PCDH9: variants seen among roughly 807,000 people sequenced by gnomAD.
PCDH9 encodes protocadherin 9, also known as protocadherin-9.
In PCDH9, 24 loss-of-function variants were observed where a neutral mutation model predicts 70.6. The observed-to-expected ratio is 0.34, with a 90% confidence interval of 0.25 to 0.48. The LOEUF is 0.48. PCDH9 is among the 20% of genes least tolerant of loss of function. PCDH9 has a pLI of 0.99. For synonymous variants in PCDH9, 562 were observed against 558.5 expected (o/e 1.01, Z -0.09); for missense variants, 1,281 against 1,503.6 (o/e 0.85, Z 2.45).
chr13:67,021,352 T>G (rs1315390809), intron 2 of PCDH9, among the ~76,000 whole-genome samples: 1 of 152,174 alleles, frequency 6.6e-6, no homozygotes, highest in Non-Finnish European at 1.5e-5. Flanking sequence ...ACTTAATAAA[T>G]GAACGTCACA....
chr13:66,393,250 A>AT (rs1474349702), intron 4 of PCDH9, among the ~76,000 whole-genome samples: 1 of 152,226 alleles, frequency 6.6e-6, no homozygotes, highest in Non-Finnish European at 1.5e-5. Context: ...GTGGTATTTC[A>AT]TGTCTACAAG....
At chr13:66,780,861 A>G (rs764492872) in intron 3 of PCDH9, among the ~76,000 whole-genome samples, 1 of 152,150 alleles carries the variant, frequency 6.6e-6, no homozygotes, top group African/African-American at 2.4e-5. Flanking sequence ...ATATTTTTTG[A>G]CTGAGCGAAT....
At position 67,225,947 on chromosome 13, in the gene PCDH9, C is replaced by G; in HGVS notation, c.2494G>C (p.Val832Leu). 5.0e-6 allele frequency: 8 copies of G among 1,614,054 alleles called. No homozygotes were observed. The highest frequency in any genetic ancestry group is 5.1e-6 in the Non-Finnish European group (6 of 1,180,024). The change falls in exon 2 of 5, where the codon GTC becomes CTC. Residue 832 changes from valine to leucine, a missense_variant. This residue lies in a region of PCDH9 where 207 missense variants were observed against 191.8 expected (regional missense o/e 1.08). Coordinates refer to ENST00000377865, the MANE Select transcript of PCDH9 (RefSeq NM_203487.3). ...GAMVVIVVIF[V>L]TVLVRCRHAS... ...TGGCGACAGCGCACCAGAACGGTGACGAAGATCACAACAATGACCACCATG... is the reference window on the plus strand; with the variant it reads ...TGGCGACAGCGCACCAGAACGGTGAGGAAGATCACAACAATGACCACCATG...
chr13:67,012,188 A>C (rs1184119249), intron 2 of PCDH9, among the ~76,000 whole-genome samples: 1 of 151,894 alleles, frequency 6.6e-6, no homozygotes. Flanking sequence ...TCGATTTTAA[A>C]AGATTTTTAA....
intron 1 of PCDH9, among the ~76,000 whole-genome samples, chr13:67,228,859 T>A (rs1444570639): frequency 6.6e-6 from 1 of 152,210 alleles, no homozygotes; most frequent in African/African-American, 2.4e-5. Context: ...ACATGCATTC[T>A]TGTTCTCCTC....
intron 2 of PCDH9, among the ~76,000 whole-genome samples, chr13:66,992,716 C>T (rs946234147): frequency 6.6e-6 from 1 of 152,058 alleles, no homozygotes; most frequent in South Asian, 2.1e-4. Context: ...CAGCAACAAA[C>T]TGAACTGATA....
chr13:66,392,536 A>T (rs1228163904), intron 4 of PCDH9, among the ~76,000 whole-genome samples: 1 of 152,176 alleles, frequency 6.6e-6, no homozygotes, highest in Non-Finnish European at 1.5e-5. Context: ...ATTTGTTTGC[A>T]GTGCAATTCA....
At chr13:66,469,767 G>T (rs555022591) in intron 4 of PCDH9, among the ~76,000 whole-genome samples, 1 of 152,234 alleles carries the variant, frequency 6.6e-6, no homozygotes, top group South Asian at 2.1e-4. Context: ...GCATTCTGCA[G>T]GTTTCTCTTC....
At chr13:66,814,955 G>C (rs1040620916) in intron 3 of PCDH9, among the ~76,000 whole-genome samples, 1 of 151,862 alleles carries the variant, frequency 6.6e-6, no homozygotes, top group Non-Finnish European at 1.5e-5. Context: ...AAGAAACTAC[G>C]AACAGAGTAG....
At chr13:67,085,738 T>C (rs915077199) in intron 2 of PCDH9, among the ~76,000 whole-genome samples, 1 of 152,158 alleles carries the variant, frequency 6.6e-6, no homozygotes, top group African/African-American at 2.4e-5. Context: ...AACAATTTCA[T>C]CCCTTGACTG....
At chr13:66,943,518 A>C (rs1463145526) in intron 2 of PCDH9, among the ~76,000 whole-genome samples, 2 of 152,034 alleles carry the variant, frequency 1.3e-5, no homozygotes, top group Non-Finnish European at 2.9e-5. Context: ...TGGTTTACTG[A>C]ACTTAGAAAA....
intron 4 of PCDH9, among the ~76,000 whole-genome samples, chr13:66,487,912 T>C (rs1397724062): frequency 2.6e-5 from 4 of 152,208 alleles, no homozygotes; most frequent in African/African-American, 9.6e-5. Context: ...AACCAGAAGA[T>C]ATCTCACTCT....
At chr13:66,966,361 G>C (rs1212744900) in intron 2 of PCDH9, among the ~76,000 whole-genome samples, 1 of 152,108 alleles carries the variant, frequency 6.6e-6, no homozygotes, top group Admixed American at 6.6e-5. Flanking sequence ...CGATGCAGTA[G>C]AAACTGTGGG....
rs773530084 is a variant in PCDH9, at chr13:66,903,543, C to A, written c.3099G>T (p.Thr1033=). Residue 1033 remains threonine, a synonymous_variant, in exon 3 of 5, where the codon ACG becomes ACT. Transcript: ENST00000377865. ...CTTCATTCTCCTGAATGTGGAAACCCGTGGAGCTGGGACATTTCTGAGGAG... is the reference window on the plus strand; with the variant it reads ...CTTCATTCTCCTGAATGTGGAAACCAGTGGAGCTGGGACATTTCTGAGGAG... ...PVTPQKCPSS[T]GFHIQENEES... The A allele has an allele frequency of 1.3e-6, 2 of 1,582,074 alleles. No individual in the cohort carries two copies. Among genetic ancestry groups the A allele is most frequent in the East Asian group, 4.5e-5 (2 of 44,436 alleles).
At chr13:66,611,968 A>G (rs931024102) in intron 4 of PCDH9, among the ~76,000 whole-genome samples, 2 of 152,218 alleles carry the variant, frequency 1.3e-5, no homozygotes, top group African/African-American at 4.8e-5. Context: ...TCACCACTAC[A>G]TACACTTTTC....
intron 3 of PCDH9, among the ~76,000 whole-genome samples, chr13:66,837,874 G>A (rs546403677): frequency 6.6e-6 from 1 of 152,206 alleles, no homozygotes; most frequent in South Asian, 2.1e-4. Context: ...CACACACCCA[G>A]GGGAATGAAC....
At chr13:66,980,716 C>CT (rs1268133581) in intron 2 of PCDH9, among the ~76,000 whole-genome samples, 1 of 86,380 alleles carries the variant, frequency 1.2e-5, no homozygotes, top group Admixed American at 1.0e-4. Context: ...TTGTTTTTTC[C>CT]TGTTTTTTTC....
intron 4 of PCDH9, among the ~76,000 whole-genome samples, chr13:66,455,764 A>G (rs967374824): frequency 3.9e-5 from 6 of 152,146 alleles, no homozygotes; most frequent in Admixed American, 3.9e-4. Context: ...AAACTTGGAA[A>G]GTAATCTTTT....
At position 66,906,412 on chromosome 13, in the gene PCDH9, G is replaced by A. The variant is rs1409465538; in HGVS notation, c.3037-2807C>T. ...AATTCAATAGCACAACATATAGTGA[G>A]AAGTTATAGAATTGGACTTAATATA... On this transcript the variant is annotated intron_variant, in intron 2 of 4. Coordinates refer to ENST00000377865, the MANE Select transcript of PCDH9 (RefSeq NM_203487.3). Among the ~76,000 whole-genome samples the A allele has an allele frequency of 2.3e-4, 35 of 152,200 alleles. 1 individual carries two copies. The highest frequency in any genetic ancestry group is 1.5e-5 in the Non-Finnish European group (1 of 68,032).
Sources: gnomAD v4.1 joint callset for allele counts (sites outside exome capture counted in the v4.1 genomes callset) on GRCh38, gnomAD v4.1.1 for gene constraint, gnomAD v4.1.1 regional missense constraint, MANE v1.5 for transcripts, NCBI Gene and HGNC (gene_info 2026-07-23, HGNC 2026-07-21) for gene names.